The following OXNAD1 variants were observed in gnomAD, a reference collection of about 807,000 sequenced individuals.
OXNAD1 encodes the protein oxidoreductase NAD-binding domain-containing protein 1.
OXNAD1 carries 34 observed loss-of-function variants against 32.9 expected under a neutral mutation model. The ratio of observed to expected loss-of-function variants is 1.03; its 90% CI spans 0.79 to 1.38. The LOEUF (loss-of-function observed/expected upper bound fraction) is 1.38, where lower values mean the gene tolerates loss of function less well. Ranked by LOEUF, OXNAD1 falls within the 40% of genes most tolerant of loss-of-function variation. OXNAD1 has a pLI of 0.00. For synonymous variants in OXNAD1, 134 were observed against 135.2 expected (o/e 0.99, Z 0.06); for missense variants, 407 against 379.4 (o/e 1.07, Z -0.60).
intron 4 of OXNAD1, chr3:16,275,690 A>G (rs78684020): frequency 0.012 from 2,176 of 176,686 alleles, 54 homozygotes; most frequent in African/African-American, 0.049. Flanking sequence ...AGAATTAACT[A>G]CGGGTTTAGA....
At chr3:16,296,279 C>A (rs1166891215) in intron 6 of OXNAD1, among the ~76,000 whole-genome samples, 2 of 151,342 alleles carry the variant, frequency 1.3e-5, no homozygotes, top group South Asian at 2.1e-4. Context: ...GCAAATAGTC[C>A]AAAAAAAAGC....
chr3:16,350,063 A>G (rs149387383), exon 10 of OXNAD1: 275 of 152,354 alleles, frequency 1.8e-3, no homozygotes, highest in African/African-American at 6.1e-3. Context: ...TCATAGCAAC[A>G]TCTAGATTGG....
At chr3:16,338,382 G>T (rs1266288372), downstream of OXNAD1, among the ~76,000 whole-genome samples, 1 of 152,236 alleles carries the variant, frequency 6.6e-6, no homozygotes, top group Non-Finnish European at 1.5e-5. This position sits in a 1 kb window ranked among gnomAD's most constrained non-coding sequence, Gnocchi z 5.3. Flanking sequence ...CCGTAGCAGG[G>T]ACAGGCACTG....
chr3:16,270,628 C>T (rs2064856397), intron 2 of OXNAD1, among the ~76,000 whole-genome samples: 1 of 152,102 alleles, frequency 6.6e-6, no homozygotes, highest in African/African-American at 2.4e-5. Flanking sequence ...TATAAAATCT[C>T]CCCTCTTCTA....
intron 5 of OXNAD1, among the ~76,000 whole-genome samples, chr3:16,294,389 AGTAGAGACGGGGTTT>A (rs1467618643): frequency 2.0e-5 from 3 of 151,540 alleles, no homozygotes; most frequent in South Asian, 2.1e-4. Context: ...TTTTTTTTTT[AGTAGAGACGGGGTTT>A]CACCCTGTTG....
chr3:16,301,789 C>G lies in OXNAD1; in HGVS notation c.596C>G (p.Ala199Gly). The change falls in exon 7 of 9, where the codon GCA (alanine) becomes GGA (glycine). Residue 199 changes from alanine to glycine, a missense_variant. Transcript: ENST00000285083. The surrounding 1 kb of genome is among the most constrained non-coding windows in gnomAD (Gnocchi z 4.1). ...GCAGCAGATCTCCTCAGAGAGCAGG[C>G]AAACAAAAGAAATGGATATGAGATA... is the stretch of plus-strand genomic sequence containing the variant. ...RHAADLLREQ[A>G]NKRNGYEIGT... The G allele has an allele frequency of 6.2e-7, 1 of 1,614,042 alleles. No individual in the cohort carries two copies. Among genetic ancestry groups the G allele is most frequent in the Non-Finnish European group, 8.5e-7 (1 of 1,179,980 alleles).
intron 9 of OXNAD1, among the ~76,000 whole-genome samples, chr3:16,333,845 A>G (rs1392843093): frequency 1.3e-5 from 2 of 152,226 alleles, no homozygotes; most frequent in African/African-American, 2.4e-5. Flanking sequence ...CATGAGAGAA[A>G]TGCAGAATCT....
chr3:16,345,754 A>G lies in OXNAD1; in HGVS notation c.*31-3422A>G, dbSNP rs1559843043. On this transcript the variant is annotated intron_variant, in intron 9 of 9. Coordinates refer to the OXNAD1 transcript ENST00000606098. This position sits in a 1 kb window ranked among gnomAD's most constrained non-coding sequence, Gnocchi z 5.2. ...CAGACTGTGGGACTCCTCAGCCTCC[A>G]TAATCACATGAGCCAAAACCTTATA... Among the ~76,000 whole-genome samples the G allele has an allele frequency of 6.6e-6, 1 of 151,000 alleles. No individual in the cohort carries two copies. Among genetic ancestry groups the G allele is most frequent in the Non-Finnish European group, 1.5e-5 (1 of 67,716 alleles).
Position 16,345,825 on chromosome 3 carries a change from C to CGCGCGT in OXNAD1, c.*31-3348_*31-3347insCGTGCG, listed in dbSNP as rs2071658046. On this transcript the variant is annotated intron_variant, in intron 9 of 9. Coordinates refer to the OXNAD1 transcript ENST00000606098. The surrounding 1 kb of genome is among the most constrained non-coding windows in gnomAD (Gnocchi z 5.2). ...GTGTGTGTGTGTGTGTGTGCGCGCG[C>CGCGCGT]GCGTGCGCGCACGCGCACATGTGCA... Among the ~76,000 whole-genome samples, 1 of 88,140 alleles carries CGCGCGT rather than the reference C, an allele frequency of 1.1e-5. No individual in the cohort carries two copies. The allele number at this position is 88,140 out of a possible 152,430, so 57.8% of individuals were successfully genotyped here.
intron 5 of OXNAD1, among the ~76,000 whole-genome samples, chr3:16,291,964 A>T (rs928604638): frequency 2.0e-5 from 3 of 152,136 alleles, no homozygotes; most frequent in African/African-American, 4.8e-5. Context: ...TTTGACTTAC[A>T]TTGCCCTAAT....
chr3:16,292,570 CAACCCTTTT>C (rs2066505539), intron 5 of OXNAD1, among the ~76,000 whole-genome samples: 1 of 151,720 alleles, frequency 6.6e-6, no homozygotes, highest in Admixed American at 6.6e-5. Context: ...ATTTTTTTTC[CAACCCTTTT>C]GGTTTGGGGT....
intron 4 of OXNAD1, among the ~76,000 whole-genome samples, chr3:16,279,556 G>A (rs2065601626): frequency 6.6e-6 from 1 of 151,868 alleles, no homozygotes; most frequent in South Asian, 2.1e-4. Context: ...AAGGGAAGAG[G>A]ACTCAGGACT....
rs1482281775 is a variant in OXNAD1 at position 16,346,931 on chromosome 3, C to T, written c.*31-2245C>T. 6.6e-6 allele frequency among the ~76,000 whole-genome samples: 1 copy of T among 152,196 alleles called. No homozygotes were observed. Among genetic ancestry groups the T allele is most frequent in the Non-Finnish European group, 1.5e-5 (1 of 68,050 alleles). Reference sequence around the variant, plus strand: ...CAAAGCTGACTCTGCAACCTCCCCACCTTGCTCTAGACTTCCTGCTCAATG... The same window carrying T: ...CAAAGCTGACTCTGCAACCTCCCCATCTTGCTCTAGACTTCCTGCTCAATG... On this transcript the variant is annotated intron_variant, in intron 9 of 9. Coordinates refer to the OXNAD1 transcript ENST00000606098. This position sits in a 1 kb window ranked among gnomAD's most constrained non-coding sequence, Gnocchi z 4.4.
intron 9 of OXNAD1, among the ~76,000 whole-genome samples, chr3:16,319,297 AGTG>A (rs1442749042): frequency 1.3e-5 from 2 of 152,216 alleles, no homozygotes; most frequent in East Asian, 1.9e-4. Context: ...TTGCCAAAAA[AGTG>A]GTGATTGTTT....
At chr3:16,343,889 T>A (rs1265240180) in intron 9 of OXNAD1, among the ~76,000 whole-genome samples, 2 of 152,154 alleles carry the variant, frequency 1.3e-5, no homozygotes, top group African/African-American at 2.4e-5. Context: ...AGCCAGCTGA[T>A]AGTCTTATAG....
At chr3:16,291,742 C>T (rs1005347374) in intron 5 of OXNAD1, among the ~76,000 whole-genome samples, 1 of 152,220 alleles carries the variant, frequency 6.6e-6, no homozygotes, top group Non-Finnish European at 1.5e-5. Flanking sequence ...TTTCACCTGT[C>T]TTAGGTCTAA....
chr3:16,350,609 G>A (rs1477665200), downstream of OXNAD1, among the ~76,000 whole-genome samples: 1 of 152,092 alleles, frequency 6.6e-6, no homozygotes, highest in Non-Finnish European at 1.5e-5. Flanking sequence ...AGTACTGAAG[G>A]CGCTGCTAAA....
At chr3:16,323,039 G>A (rs1402565630) in intron 9 of OXNAD1, among the ~76,000 whole-genome samples, 2 of 152,142 alleles carry the variant, frequency 1.3e-5, no homozygotes, top group Non-Finnish European at 2.9e-5. Context: ...CCATGAGCTC[G>A]AGCCATCCCC....
At chr3:16,326,792 G>C in intron 9 of OXNAD1, 1 of 1,614,064 alleles carries the variant, frequency 6.2e-7, no homozygotes. Context: ...TTGACGACGG[G>C]AGTTGGTAGC....
Sources: gnomAD v4.1 joint callset for allele counts (sites outside exome capture counted in the v4.1 genomes callset) on GRCh38, gnomAD v4.1.1 for gene constraint, Gnocchi (gnomAD v3.1) non-coding constraint, MANE v1.5 for transcripts, NCBI Gene and HGNC (gene_info 2026-07-23, HGNC 2026-07-21) for gene names.